The following NOX4 variants were observed in gnomAD, a reference collection of about 807,000 sequenced individuals.
The protein encoded by NOX4 is NADPH oxidase 4.
In NOX4, 69 loss-of-function variants were observed where a neutral mutation model predicts 87.6. The observed-to-expected ratio is 0.79, with a 90% confidence interval of 0.65 to 0.96. The LOEUF (loss-of-function observed/expected upper bound fraction) is 0.96. NOX4 is among the 40% of genes least tolerant of loss of function. The pLI is 0.00. For synonymous variants in NOX4, 275 were observed against 238.2 expected (o/e 1.15, Z -1.42); for missense variants, 680 against 681.5 (o/e 1.00, Z 0.02).
chr11:89,444,325 C>T, intron 4 of NOX4, 93 bp from the exon 5 acceptor site: 1 of 966,538 alleles, frequency 1.0e-6, no homozygotes, highest in South Asian at 1.5e-5. Context: ...AAATACAGGG[C>T]CAAACTTTGA....
chr11:89,475,613 G>C (rs913926797), intron 2 of NOX4, among the ~76,000 whole-genome samples: 1 of 151,990 alleles, frequency 6.6e-6, no homozygotes, highest in African/African-American at 2.4e-5. Context: ...ATATATTAAC[G>C]TAAAGCGCAG....
chr11:89,579,914 GA>G, the NOX4 span, among the ~76,000 whole-genome samples: 83 of 140,536 alleles, frequency 5.9e-4, no homozygotes, highest in Middle Eastern at 3.6e-3. Flanking sequence ...AAGGTCAAAT[GA>G]AAAAAAAAAA....
At chr11:89,562,455 C>T in the NOX4 span, among the ~76,000 whole-genome samples, 1 of 152,254 alleles carries the variant, frequency 6.6e-6, no homozygotes, top group South Asian at 2.1e-4. Context: ...ATCCCACCCA[C>T]TGATTCCGAT....
chr11:89,498,707 A>G (rs2135509728), upstream of NOX4: 1 of 152,348 alleles, frequency 6.6e-6, no homozygotes, highest in Non-Finnish European at 1.5e-5. Flanking sequence ...GTTTCCCATC[A>G]CAGGGGATTC....
chr11:89,499,264 T>C (rs985919011), upstream of NOX4: 9 of 152,180 alleles, frequency 5.9e-5, no homozygotes, highest in Non-Finnish European at 1.0e-4. Flanking sequence ...GAGGCTGCAC[T>C]GGTGTTAGAG....
chr11:89,384,836 C>A (rs1940569186), intron 11 of NOX4, among the ~76,000 whole-genome samples: 2 of 152,010 alleles, frequency 1.3e-5, no homozygotes, highest in Non-Finnish European at 2.9e-5. Flanking sequence ...TTAGGCTGGC[C>A]CCCGCATTAT....
chr11:89,570,367 G>C, the NOX4 span, among the ~76,000 whole-genome samples: 1 of 152,142 alleles, frequency 6.6e-6, no homozygotes, highest in African/African-American at 2.4e-5. Flanking sequence ...TTGAAGGAGA[G>C]TGAGGTGTGA....
At chr11:89,492,631 A>C (rs1946887233), upstream of NOX4, among the ~76,000 whole-genome samples, 1 of 152,200 alleles carries the variant, frequency 6.6e-6, no homozygotes, top group Non-Finnish European at 1.5e-5. Context: ...GACCAAATCC[A>C]GAAAGCTGTC....
chr11:89,369,016 T>A (rs4127487), intron 12 of NOX4, among the ~76,000 whole-genome samples: 1 of 152,024 alleles, frequency 6.6e-6, no homozygotes, highest in African/African-American at 2.4e-5. Flanking sequence ...TTAAAATAAC[T>A]CATTTATGGA....
At chr11:89,361,061 A>C (rs1327017977) in intron 12 of NOX4, among the ~76,000 whole-genome samples, 2 of 152,148 alleles carry the variant, frequency 1.3e-5, no homozygotes, top group South Asian at 2.1e-4. Context: ...AAGAACTTAA[A>C]GTAAAACAAC....
chr11:89,372,588 C>T (rs1452657981), intron 12 of NOX4, among the ~76,000 whole-genome samples: 5 of 151,986 alleles, frequency 3.3e-5, no homozygotes, highest in African/African-American at 1.2e-4. Context: ...ATTTGCCTGA[C>T]TCCTAAGCTT....
chr11:89,350,587 A>G (rs1345651698), intron 13 of NOX4, among the ~76,000 whole-genome samples: 3 of 152,200 alleles, frequency 2.0e-5, no homozygotes, highest in Non-Finnish European at 4.4e-5. Flanking sequence ...TTTATAGGGC[A>G]AGGAAGTTGC....
chr11:89,366,095 C>T (rs7944576), intron 12 of NOX4, among the ~76,000 whole-genome samples: 12,770 of 152,158 alleles, frequency 0.084, 709 homozygotes, highest in South Asian at 0.18. Context: ...ACGCTAGGCT[C>T]ATTTGGCAAA....
At chr11:89,337,629 C>G in intron 15 of NOX4, 114 bp from the exon 16 acceptor site, 7 of 1,405,184 alleles carry the variant, frequency 5.0e-6, no homozygotes, top group Non-Finnish European at 6.8e-6. Flanking sequence ...TTATCATAGT[C>G]AATATCTATA....
chr11:89,372,472 G>C (rs1364595558), intron 12 of NOX4, among the ~76,000 whole-genome samples: 1 of 151,904 alleles, frequency 6.6e-6, no homozygotes, highest in African/African-American at 2.4e-5. Flanking sequence ...TTGTTTAATT[G>C]ATTAAAGACT....
chr11:89,450,012 T>C (rs1483908801), intron 3 of NOX4, among the ~76,000 whole-genome samples: 1 of 152,202 alleles, frequency 6.6e-6, no homozygotes, highest in Non-Finnish European at 1.5e-5. Context: ...ATCTATAGTT[T>C]GAAATGCCTG....
intron 12 of NOX4, among the ~76,000 whole-genome samples, chr11:89,367,160 T>A (rs544243119): frequency 1.4e-4 from 22 of 152,262 alleles, no homozygotes; most frequent in Admixed American, 1.0e-3. Context: ...AGGCCAGAAC[T>A]ACAGTGTTTC....
At chr11:89,367,369 G>A (rs1262771245) in intron 12 of NOX4, among the ~76,000 whole-genome samples, 1 of 151,952 alleles carries the variant, frequency 6.6e-6, no homozygotes, top group Non-Finnish European at 1.5e-5. Flanking sequence ...TTAGCAATAG[G>A]CCCATTTGCT....
intron 7 of NOX4, among the ~76,000 whole-genome samples, chr11:89,431,212 G>A (rs1011675691): frequency 3.3e-5 from 5 of 152,098 alleles, no homozygotes; most frequent in African/African-American, 4.8e-5. Flanking sequence ...ATTCAAGATG[G>A]ATTAAAGACT....
Sources: allele counts gnomAD v4.1 joint callset (sites outside exome capture counted in the v4.1 genomes callset), GRCh38; gene constraint gnomAD v4.1.1; transcripts MANE v1.5; gene names NCBI Gene and HGNC (gene_info 2026-07-23, HGNC 2026-07-21).